The following MYO1D variants were observed in gnomAD, a reference collection of about 807,000 sequenced individuals.
The protein encoded by MYO1D is unconventional myosin-Id.
MYO1D carries 83 observed loss-of-function variants against 122.0 expected under a neutral mutation model. The ratio of observed to expected loss-of-function variants is 0.68; its 90% CI spans 0.57 to 0.82. MYO1D has a LOEUF of 0.82. Ranked by LOEUF, MYO1D falls within the 40% of genes least tolerant of loss-of-function variation. MYO1D has a pLI of 0.00. For synonymous variants in MYO1D, 464 were observed against 446.9 expected (o/e 1.04, Z -0.48); for missense variants, 1,157 against 1,269.5 (o/e 0.91, Z 1.35).
chr17:32,858,712 C>CT (rs1174906196), intron 1 of MYO1D, among the ~76,000 whole-genome samples: 1 of 152,140 alleles, frequency 6.6e-6, no homozygotes, highest in Non-Finnish European at 1.5e-5. Flanking sequence ...TAACAATAAT[C>CT]TTTTTTTCTT....
At position 32,589,229 on chromosome 17, in the gene MYO1D, C is replaced by A. The variant is rs550783562; in HGVS notation, c.2864+15858G>T. ...GACCTGGGGCTTGGATGTTTCAGGT[C>A]CTGCTTCACCTTGAGTCCTGCTGCT... On this transcript the variant is annotated intron_variant, in intron 21 of 21. Coordinates refer to ENST00000318217, the MANE Select transcript of MYO1D (RefSeq NM_015194.3). 7.9e-5 allele frequency among the ~76,000 whole-genome samples: 12 copies of A among 152,292 alleles called. No homozygotes were observed. In the East Asian group the frequency reaches 2.3e-3, roughly 29 times the overall value.
chr17:32,690,759 T>A (rs944480201), intron 16 of MYO1D, among the ~76,000 whole-genome samples: 14 of 152,146 alleles, frequency 9.2e-5, no homozygotes, highest in African/African-American at 3.4e-4. Context: ...TTTGAGGGCC[T>A]CACCAGGAGC....
chr17:32,720,619 C>T (rs1271835344), intron 15 of MYO1D, among the ~76,000 whole-genome samples: 7 of 152,028 alleles, frequency 4.6e-5, no homozygotes, highest in African/African-American at 1.7e-4. Flanking sequence ...AGGCTTTTTA[C>T]TTAGGTTAAT....
intron 16 of MYO1D, among the ~76,000 whole-genome samples, chr17:32,687,003 A>ACACACC (rs1431553907): frequency 6.7e-5 from 10 of 150,302 alleles, no homozygotes; most frequent in Admixed American, 5.3e-4. Flanking sequence ...ACACACACAC[A>ACACACC]CACCAAAAAA....
At chr17:32,690,509 A>G (rs555485713) in intron 16 of MYO1D, among the ~76,000 whole-genome samples, 1 of 152,172 alleles carries the variant, frequency 6.6e-6, no homozygotes, top group Non-Finnish European at 1.5e-5. Context: ...GGCATCTGAC[A>G]TGGTTTGGAT....
At chr17:32,822,715 C>G (rs1198223432) in intron 1 of MYO1D, among the ~76,000 whole-genome samples, 3 of 151,062 alleles carry the variant, frequency 2.0e-5, no homozygotes, top group Admixed American at 2.0e-4. Flanking sequence ...TTCCTCCGCA[C>G]GGGTCGACCA....
chr17:32,858,272 A>G (rs574510922), intron 1 of MYO1D, among the ~76,000 whole-genome samples: 1 of 152,324 alleles, frequency 6.6e-6, no homozygotes, highest in African/African-American at 2.4e-5. Flanking sequence ...ACAACTATCA[A>G]TATCAGGAGA....
At chr17:32,678,224 T>C (rs2088851351) in intron 16 of MYO1D, among the ~76,000 whole-genome samples, 1 of 151,972 alleles carries the variant, frequency 6.6e-6, no homozygotes, top group Admixed American at 6.6e-5. Flanking sequence ...CAGAGAGGTC[T>C]TCCCTGACCA....
intron 21 of MYO1D, among the ~76,000 whole-genome samples, chr17:32,536,159 G>A (rs2150875662): frequency 6.6e-6 from 1 of 152,146 alleles, no homozygotes; most frequent in African/African-American, 2.4e-5. Flanking sequence ...CAGCCTCCCG[G>A]AGTAGCTGGG....
chr17:32,589,298 C>T (rs1217742224), intron 21 of MYO1D, among the ~76,000 whole-genome samples: 2 of 152,222 alleles, frequency 1.3e-5, no homozygotes, highest in African/African-American at 2.4e-5. Flanking sequence ...TCTTACTGAA[C>T]CCAACTTCTC....
intron 14 of MYO1D, among the ~76,000 whole-genome samples, chr17:32,735,554 A>C (rs966753897): frequency 3.3e-5 from 5 of 151,464 alleles, no homozygotes; most frequent in African/African-American, 4.8e-5. Context: ...TATTAGATAA[A>C]GTTTAAATTT....
At chr17:32,749,254 A>G (rs2089872887) in intron 11 of MYO1D, among the ~76,000 whole-genome samples, 1 of 152,150 alleles carries the variant, frequency 6.6e-6, no homozygotes, top group Non-Finnish European at 1.5e-5. Context: ...TGGACAATGG[A>G]GGTAAAGTGT....
intron 1 of MYO1D, among the ~76,000 whole-genome samples, chr17:32,822,006 C>T (rs978585429): frequency 2.0e-5 from 3 of 152,190 alleles, no homozygotes; most frequent in Non-Finnish European, 4.4e-5. Context: ...CCATTTGACC[C>T]AGCCATCCCA....
chr17:32,671,240 AC>A (rs1317814531), intron 16 of MYO1D, among the ~76,000 whole-genome samples: 4 of 152,124 alleles, frequency 2.6e-5, no homozygotes, highest in Admixed American at 1.3e-4. Context: ...TTGGTCATGG[AC>A]CCTGCATGGA....
At chr17:32,868,309 T>A (rs2091147787) in intron 1 of MYO1D, among the ~76,000 whole-genome samples, 1 of 152,176 alleles carries the variant, frequency 6.6e-6, no homozygotes, top group South Asian at 2.1e-4. Context: ...GAACACATCA[T>A]CTTTATAGAT....
In MYO1D at chr17:32,659,106, C is replaced by T. The variant is rs775280280; in HGVS notation, c.2345+9G>A. 7 of 1,611,356 alleles carry T rather than the reference C, an allele frequency of 4.3e-6. No individual in the cohort carries two copies. In the East Asian group the frequency reaches 1.1e-4, roughly 26 times the overall value. On this transcript the variant is annotated intron_variant, in intron 17 of 21. Transcript: ENST00000318217. ...TAAATGGATGCAGCACACAGCAGCA[C>T]GTTCTTACCTATTGAAAATCGTCTG...
chr17:32,751,702 A>C (rs2089901230), intron 11 of MYO1D, among the ~76,000 whole-genome samples: 1 of 152,192 alleles, frequency 6.6e-6, no homozygotes, highest in South Asian at 2.1e-4. Context: ...AGAAAACCCT[A>C]GGAATATATT....
intron 16 of MYO1D, among the ~76,000 whole-genome samples, chr17:32,680,986 G>GT (rs1176414397): frequency 6.6e-6 from 1 of 152,100 alleles, no homozygotes; most frequent in African/African-American, 2.4e-5. Context: ...TTGGGAGAGT[G>GT]TATGTGTCGA....
At chr17:32,741,570 T>C (rs2089772728) in intron 13 of MYO1D, among the ~76,000 whole-genome samples, 1 of 152,216 alleles carries the variant, frequency 6.6e-6, no homozygotes, top group Non-Finnish European at 1.5e-5. Flanking sequence ...TCCTTTGTTC[T>C]GATTCTGTGC....
Sources: allele counts gnomAD v4.1 joint callset (sites outside exome capture counted in the v4.1 genomes callset), GRCh38; gene constraint gnomAD v4.1.1; transcripts MANE v1.5; gene names NCBI Gene and HGNC (gene_info 2026-07-23, HGNC 2026-07-21).